Variants in ABHD11 observed in about 807,000 individuals in gnomAD.
ABHD11 encodes the protein abhydrolase domain containing 11.
A neutral mutation model predicts 29.0 loss-of-function variants in ABHD11; 26 were observed. The ratio of observed to expected loss-of-function variants is 0.90; its 90% CI spans 0.66 to 1.24. The LOEUF is 1.24. ABHD11 is among the 50% of genes most tolerant of loss of function. ABHD11 has a pLI of 0.00. For synonymous variants in ABHD11, 169 were observed against 166.4 expected, an observed-to-expected ratio of 1.02 and a Z score of -0.12; for missense variants, 381 against 422.4, an observed-to-expected ratio of 0.90 and a Z score of 0.86.
chr7:73,738,623 C>T lies in ABHD11; in HGVS notation c.125+23G>A, dbSNP rs781789553. Reference sequence around the variant, plus strand: ...GGAAAAGGAGGACAGAGGATGGCCTCCCGCCCGGTGCCCTTGACTGACCTC... The same window carrying T: ...GGAAAAGGAGGACAGAGGATGGCCTTCCGCCCGGTGCCCTTGACTGACCTC... On this transcript the variant is annotated intron_variant, in intron 1 of 5. Transcript: ENST00000222800. The T allele has an allele frequency of 3.8e-6, 6 of 1,583,820 alleles. No individual in the cohort carries two copies. In the South Asian group the frequency reaches 6.9e-5, roughly 18 times the overall value.
rs1800060469 is a variant in ABHD11 at position 73,737,739 on chromosome 7, G to C, written c.262-4C>G. 2 of 1,608,616 alleles carry C rather than the reference G, an allele frequency of 1.2e-6. No homozygotes were observed. The highest frequency in any genetic ancestry group is 1.7e-6 in the Non-Finnish European group (2 of 1,177,400). On this transcript the variant is annotated splice_polypyrimidine_tract_variant and splice_region_variant and intron_variant, in intron 2 of 5. Transcript: ENST00000222800. Reference sequence around the variant, plus strand: ...TACGAGCATCCACCGTCAGCACCTGGGGAGTGGGGTGAGACGGGGCTGCGT... The same window carrying C: ...TACGAGCATCCACCGTCAGCACCTGCGGAGTGGGGTGAGACGGGGCTGCGT...
Position 73,736,709 on chromosome 7 carries a change from G to A in ABHD11, c.789-18C>T, listed in dbSNP as rs377462659. On this transcript the variant is annotated intron_variant, in intron 5 of 5. Coordinates refer to ENST00000222800, the MANE Select transcript of ABHD11 (RefSeq NM_148912.4). ...GGCTGGGACTGTGCATCGCAGCGAC[G>A]GCCATCAAAAACGGGTGAAAGTGGG... 2.3e-4 allele frequency: 374 copies of A among 1,613,098 alleles called. No individual in the cohort carries two copies. The highest frequency in any genetic ancestry group is 5.4e-4 in the Middle Eastern group (3 of 5,532).
In ABHD11 at chr7:73,738,248, A is replaced by AC. The variant is rs3834864; in HGVS notation, c.261+79dup. On this transcript the variant is annotated intron_variant, in intron 2 of 5. Coordinates refer to ENST00000222800, the MANE Select transcript of ABHD11 (RefSeq NM_148912.4). ...TCTGGAAGTGAGCGTGAGAAGCGGG[A>AC]CCCCCCCTGCCCCGCCTCCTCTCAG... is the stretch of plus-strand genomic sequence containing the variant. 2,971 of 1,222,014 alleles carry AC rather than the reference A, an allele frequency of 2.4e-3. 8 individuals are homozygous for AC. Among genetic ancestry groups the AC allele is most frequent in the African/African-American group, 8.1e-3 (521 of 64,198 alleles). 75.7% of individuals were successfully genotyped at this position (1,222,014 alleles called of 1,614,324 possible).
chr7:73,738,257 G>GCCC, intron 2 of ABHD11, 71 bp downstream of exon 2: 2 of 1,336,062 alleles, frequency 1.5e-6, no homozygotes, highest in Non-Finnish European at 2.1e-6. Context: ...GACCCCCCCT[G>GCCC]CCCCGCCTCC....
At chr7:73,738,498 C>A (rs368931314) in intron 1 of ABHD11, 35 bp from the exon 2 acceptor site, 7 of 1,595,042 alleles carry the variant, frequency 4.4e-6, no homozygotes, top group Middle Eastern at 3.4e-4. Context: ...GAGTCTGAGC[C>A]GGCGGAGACG....
Position 73,736,832 on chromosome 7 carries a change from C to T in ABHD11, c.788+97G>A. 5.7e-6 allele frequency: 9 copies of T among 1,571,132 alleles called. No individual in the cohort carries two copies. In the South Asian group the frequency reaches 1.1e-4, roughly 19 times the overall value. ...CCGGTGGTATTTCTGGCCTCTCAGC[C>T]ACCCCCCTTCCACACCCAAGGCCTC... On this transcript the variant is annotated intron_variant, in intron 5 of 5. Transcript: ENST00000222800.
Position 73,738,699 on chromosome 7 carries a change from C to A in ABHD11, c.72G>T (p.Arg24Ser), listed in dbSNP as rs1165151290. 2 of 1,605,580 alleles carry A rather than the reference C, an allele frequency of 1.2e-6. No individual in the cohort carries two copies. The highest frequency in any genetic ancestry group is 2.7e-5 in the African/African-American group (2 of 74,758). Residue 24 changes from arginine to serine, a missense_variant, in exon 1 of 6, where the codon AGG becomes AGT. By Grantham distance (110) the Arg-to-Ser change is moderately radical. Transcript: ENST00000222800. The stretch of plus-strand genomic sequence containing the variant: ...TGCTGCTGCTGGGTGCGACAGGCAC[C>A]CTCGCGAAGCTAGGGCCGTGGGGGC... ...GLGPHGPSFARVPVAPSSSSG... is the reference protein window; with the variant it reads ...GLGPHGPSFASVPVAPSSSSG...
At chr7:73,736,889 CG>C in intron 5 of ABHD11, 39 bp downstream of exon 5, 1 of 1,598,864 alleles carries the variant, frequency 6.3e-7, no homozygotes, top group Non-Finnish European at 8.5e-7. Context: ...GGGGCCTGGG[CG>C]AGTAAAGCAT....
intron 1 of ABHD11, 51 bp downstream of exon 1, chr7:73,738,595 G>A (rs781970488): frequency 1.9e-6 from 3 of 1,569,718 alleles, no homozygotes; most frequent in Non-Finnish European, 1.7e-6. Context: ...TCGGGGCCCG[G>A]CAGGAAAAGG....
intron 2 of ABHD11, 43 bp downstream of exon 2, chr7:73,738,285 T>TGCC: frequency 1.3e-6 from 1 of 786,796 alleles, no homozygotes; most frequent in Non-Finnish European, 2.0e-6. Flanking sequence ...CCCCGCCCAC[T>TGCC]CCCGCCCAGC....
chr7:73,737,694 G>C lies in ABHD11; in HGVS notation c.303C>G (p.His101Gln). 1 of 1,613,930 alleles carries C rather than the reference G, an allele frequency of 6.2e-7. No homozygotes were observed. Among genetic ancestry groups the C allele is most frequent in the South Asian group, 1.1e-5 (1 of 91,066 alleles). Reference sequence around the variant, plus strand: ...TGATCTCGTAGCTCATGTCTGGGCTGTGGGGGCTGTCACCGTGGTTACGAG... The same window carrying C: ...TGATCTCGTAGCTCATGTCTGGGCTCTGGGGGCTGTCACCGTGGTTACGAG... ...VDARNHGDSP[H>Q]SPDMSYEIMS... Residue 101 changes from histidine to glutamine, a missense_variant, in exon 3 of 6, where the codon CAC becomes CAG. Coordinates refer to ENST00000222800, the MANE Select transcript of ABHD11 (RefSeq NM_148912.4).
intron 4 of ABHD11, 36 bp downstream of exon 4, chr7:73,737,185 T>G (rs1799980890): frequency 6.2e-7 from 1 of 1,613,636 alleles, no homozygotes; most frequent in Admixed American, 1.7e-5. Flanking sequence ...CAGGTCCTGG[T>G]CTACAATACC....
At chr7:73,738,536 G>A (rs1191326740) in intron 1 of ABHD11, 73 bp from the exon 2 acceptor site, 2 of 1,568,574 alleles carry the variant, frequency 1.3e-6, no homozygotes, top group East Asian at 2.3e-5. Flanking sequence ...AAAGAGCTTT[G>A]GGGGAGAGGC....
chr7:73,738,674 T>C lies in ABHD11; in HGVS notation c.97A>G (p.Ser33Gly). The C allele has an allele frequency of 6.3e-7, 1 of 1,597,388 alleles. No individual in the cohort carries two copies. The highest frequency in any genetic ancestry group is 8.5e-7 in the Non-Finnish European group (1 of 1,173,912). ...GGCTCGGCGCCCCCTCGGCCGCCGC[T>C]GCTGCTGCTGGGTGCGACAGGCACC... ...ARVPVAPSSS[S>G]GGRGGAEPRP... Residue 33 changes from serine to glycine, a missense_variant, in exon 1 of 6, where the codon AGC (serine) becomes GGC (glycine). By Grantham distance (56) the Ser-to-Gly change is moderately conservative. Transcript: ENST00000222800.
rs1554623077 is a variant in ABHD11, at chr7:73,738,723, G to A, written c.48C>T (p.Gly16=). 6.2e-7 allele frequency: 1 copy of A among 1,607,054 alleles called. No individual in the cohort carries two copies. The highest frequency in any genetic ancestry group is 1.3e-5 in the African/African-American group (1 of 74,890). The part of the protein sequence containing the change: ...RAWRLPREGL[G]PHGPSFARVP... ...CCCTCGCGAAGCTAGGGCCGTGGGGGCCGAGTCCCTCACGCGGGAGCCTCC... is the reference window on the plus strand; with the variant it reads ...CCCTCGCGAAGCTAGGGCCGTGGGGACCGAGTCCCTCACGCGGGAGCCTCC... The change falls in exon 1 of 6, where the codon GGC becomes GGT. Residue 16 remains glycine (G), a synonymous_variant. Transcript: ENST00000222800.
At position 73,738,254 on chromosome 7, in the gene ABHD11, CCT is replaced by C. The variant is rs1363939016; in HGVS notation, c.261+72_261+73del. 14 of 1,362,886 alleles carry C rather than the reference CCT, an allele frequency of 1.0e-5. No individual in the cohort carries two copies. The African/African-American group carries it at 1.3e-4, about 13-fold the overall frequency. 84.4% of individuals were successfully genotyped at this position (1,362,886 alleles called of 1,614,324 possible). On this transcript the variant is annotated intron_variant, in intron 2 of 5. Coordinates refer to ENST00000222800, the MANE Select transcript of ABHD11 (RefSeq NM_148912.4). ...AGTGAGCGTGAGAAGCGGGACCCCC[CCT>C]GCCCCGCCTCCTCTCAGGCCCCGCC...
chr7:73,738,634 C>T lies in ABHD11; in HGVS notation c.125+12G>A. On this transcript the variant is annotated intron_variant, in intron 1 of 5. Coordinates refer to ENST00000222800, the MANE Select transcript of ABHD11 (RefSeq NM_148912.4). Reference sequence around the variant, plus strand: ...ACAGAGGATGGCCTCCCGCCCGGTGCCCTTGACTGACCTCGGCTCGGCGCC... The same window carrying T: ...ACAGAGGATGGCCTCCCGCCCGGTGTCCTTGACTGACCTCGGCTCGGCGCC... The T allele has an allele frequency of 3.8e-6, 6 of 1,589,978 alleles. No individual in the cohort carries two copies. The highest frequency in any genetic ancestry group is 5.1e-6 in the Non-Finnish European group (6 of 1,170,778).
chr7:73,737,463 T>C, intron 3 of ABHD11, 72 bp from the exon 4 acceptor site: 1 of 1,566,172 alleles, frequency 6.4e-7, no homozygotes, highest in South Asian at 1.2e-5. Context: ...TCCTGGAGCC[T>C]GAACTTGGTC....
chr7:73,737,557 C>T lies in ABHD11; in HGVS notation c.435+5G>A. The T allele has an allele frequency of 6.3e-7, 1 of 1,596,478 alleles. No homozygotes were observed. Among genetic ancestry groups the T allele is most frequent in the Non-Finnish European group, 8.5e-7 (1 of 1,171,734 alleles). On this transcript the variant is annotated splice_donor_5th_base_variant and intron_variant, in intron 3 of 5. Transcript: ENST00000222800. ...GGGAGGAGGCCCCAGACATGGGCGGCTCACCCTCTGTAGTGCCAGCAGCAT... is the reference window on the plus strand; with the variant it reads ...GGGAGGAGGCCCCAGACATGGGCGGTTCACCCTCTGTAGTGCCAGCAGCAT...
Sources: gnomAD v4.1 joint callset for allele counts on GRCh38, gnomAD v4.1.1 for gene constraint, MANE v1.5 for transcripts, NCBI Gene and HGNC (gene_info 2026-07-23, HGNC 2026-07-21) for gene names.